The following FGGY variants were observed in gnomAD, a reference collection of about 807,000 sequenced individuals.
The protein encoded by FGGY is FGGY carbohydrate kinase domain containing, also known as FGGY carbohydrate kinase domain-containing protein.
FGGY carries 72 observed loss-of-function variants against 71.3 expected under a neutral mutation model. The ratio of observed to expected loss-of-function variants is 1.01; its 90% CI spans 0.84 to 1.23. The LOEUF is 1.23. Ranked by LOEUF, FGGY falls within the 50% of genes most tolerant of loss-of-function variation. FGGY has a pLI of 0.00. For synonymous variants in FGGY, 251 were observed against 250.3 expected, an observed-to-expected ratio of 1.00 and a Z score of -0.02; for missense variants, 668 against 682.3, an observed-to-expected ratio of 0.98 and a Z score of 0.23.
At chr1:59,413,182 G>T (rs759390754) in intron 5 of FGGY, among the ~76,000 whole-genome samples, 6 of 152,196 alleles carry the variant, frequency 3.9e-5, no homozygotes, top group Non-Finnish European at 7.3e-5. Flanking sequence ...TGTTGTTGGT[G>T]TGCTGTGCTT....
rs552063581 is a variant in FGGY, at chr1:59,373,027, C to G, written c.466-5722C>G. On this transcript the variant is annotated intron_variant, in intron 4 of 15. Transcript: ENST00000303721. ...GACAGGGATGCCCTCTCTCACCACTCCCATTCAACATAGTGTTGGAAGTTC... is the reference window on the plus strand; with the variant it reads ...GACAGGGATGCCCTCTCTCACCACTGCCATTCAACATAGTGTTGGAAGTTC... Among the ~76,000 whole-genome samples the G allele has an allele frequency of 6.6e-3, 995 of 151,884 alleles. 14 individuals carry two copies. The highest frequency in any genetic ancestry group is 0.023 in the African/African-American group (963 of 41,176).
intron 8 of FGGY, among the ~76,000 whole-genome samples, chr1:59,560,673 A>G (rs973347363): frequency 1.6e-4 from 24 of 151,774 alleles, no homozygotes; most frequent in African/African-American, 4.6e-4. Context: ...AAAAGTCTTC[A>G]TAAGATAAAA....
At chr1:59,411,926 T>C (rs577350276) in intron 5 of FGGY, among the ~76,000 whole-genome samples, 3 of 152,290 alleles carry the variant, frequency 2.0e-5, no homozygotes, top group African/African-American at 7.2e-5. Context: ...CTGCATCCAT[T>C]CCTCTCAGTC....
chr1:59,445,151 G>A (rs1469395398), intron 5 of FGGY, among the ~76,000 whole-genome samples: 8 of 152,138 alleles, frequency 5.3e-5, no homozygotes, highest in Admixed American at 4.6e-4. Context: ...AGAGAAAGAG[G>A]GAGGAGGGAA....
intron 9 of FGGY, among the ~76,000 whole-genome samples, chr1:59,614,676 G>C: frequency 6.6e-6 from 1 of 152,116 alleles, no homozygotes; most frequent in East Asian, 1.9e-4. Flanking sequence ...AGGAAATAAA[G>C]GGTATTCAAT....
chr1:59,634,495 C>T (rs1465904990), intron 10 of FGGY, among the ~76,000 whole-genome samples: 4 of 152,066 alleles, frequency 2.6e-5, no homozygotes, highest in African/African-American at 9.7e-5. Flanking sequence ...AGAAAAGGCA[C>T]AAGTATATTT....
intron 6 of FGGY, among the ~76,000 whole-genome samples, chr1:59,478,496 A>G (rs1042790244): frequency 2.6e-5 from 4 of 152,222 alleles, no homozygotes; most frequent in Non-Finnish European, 5.9e-5. Flanking sequence ...ATAACATAGC[A>G]TGTAGAAATA....
intron 8 of FGGY, among the ~76,000 whole-genome samples, chr1:59,555,572 G>A (rs924219881): frequency 6.6e-6 from 1 of 152,232 alleles, no homozygotes; most frequent in African/African-American, 2.4e-5. Context: ...GCAAACAGTG[G>A]CTGACTCTGC....
chr1:59,750,525 G>A (rs780982053), intron 14 of FGGY, among the ~76,000 whole-genome samples: 12 of 152,136 alleles, frequency 7.9e-5, no homozygotes, highest in African/African-American at 1.9e-4. Context: ...TGCACATAGT[G>A]TACTTAAAAT....
intron 6 of FGGY, among the ~76,000 whole-genome samples, chr1:59,488,525 A>G (rs1026840828): frequency 6.7e-6 from 1 of 148,226 alleles, no homozygotes; most frequent in African/African-American, 2.4e-5. Flanking sequence ...TATATATTAT[A>G]TATAAATATG....
intron 8 of FGGY, among the ~76,000 whole-genome samples, chr1:59,576,367 G>A (rs1380562736): frequency 6.6e-6 from 1 of 152,040 alleles, no homozygotes; most frequent in Non-Finnish European, 1.5e-5. Context: ...CATGGACACA[G>A]GGAGGGGAAC....
chr1:59,339,464 T>G (rs1416316400), intron 2 of FGGY, among the ~76,000 whole-genome samples: 1 of 151,884 alleles, frequency 6.6e-6, no homozygotes, highest in Non-Finnish European at 1.5e-5. Flanking sequence ...TTTTTAATTA[T>G]TATTATTATT....
At chr1:59,384,113 G>T (rs2059803691) in intron 5 of FGGY, among the ~76,000 whole-genome samples, 1 of 152,170 alleles carries the variant, frequency 6.6e-6, no homozygotes, top group Non-Finnish European at 1.5e-5. Context: ...GAAGCAGAAA[G>T]TTTAATGCTC....
intron 6 of FGGY, among the ~76,000 whole-genome samples, chr1:59,457,653 A>C (rs1433436885): frequency 6.6e-6 from 1 of 152,094 alleles, no homozygotes; most frequent in Non-Finnish European, 1.5e-5. Context: ...TGAGGAAGAT[A>C]TTTGCAAGGA....
intron 7 of FGGY, among the ~76,000 whole-genome samples, chr1:59,537,780 A>G (rs1297686436): frequency 1.3e-5 from 2 of 152,158 alleles, no homozygotes; most frequent in African/African-American, 4.8e-5. Flanking sequence ...GTGCTGGGAA[A>G]ACTGGCTAGC....
chr1:59,571,879 A>C (rs1314271754), intron 8 of FGGY, among the ~76,000 whole-genome samples: 1 of 152,194 alleles, frequency 6.6e-6, no homozygotes, highest in Non-Finnish European at 1.5e-5. Context: ...TAGAAAATTC[A>C]AAAAGAAGCA....
chr1:59,536,749 A>T (rs1459836907), intron 7 of FGGY, among the ~76,000 whole-genome samples: 1 of 152,176 alleles, frequency 6.6e-6, no homozygotes, highest in Admixed American at 6.5e-5. Context: ...AAAGACAAAA[A>T]CCACATGATT....
At chr1:59,354,866 C>G (rs1439071798) in intron 4 of FGGY, among the ~76,000 whole-genome samples, 1 of 152,146 alleles carries the variant, frequency 6.6e-6, no homozygotes, top group Non-Finnish European at 1.5e-5. Flanking sequence ...GTGTGGGCCT[C>G]TCTTGGGAGT....
At chr1:59,350,619 T>A (rs1051982342) in intron 4 of FGGY, among the ~76,000 whole-genome samples, 1 of 152,126 alleles carries the variant, frequency 6.6e-6, no homozygotes, top group Non-Finnish European at 1.5e-5. Flanking sequence ...TATTAAGGGC[T>A]TATTTGGTGA....
Sources: allele counts gnomAD v4.1 joint callset (sites outside exome capture counted in the v4.1 genomes callset), GRCh38; gene constraint gnomAD v4.1.1; transcripts MANE v1.5; gene names NCBI Gene and HGNC (gene_info 2026-07-23, HGNC 2026-07-21).